ARHGEF26: variants seen among roughly 807,000 people sequenced by gnomAD.
ARHGEF26 encodes Rho guanine nucleotide exchange factor (GEF) 26.
A neutral mutation model predicts 89.4 loss-of-function variants in ARHGEF26; 59 were observed. The ratio of observed to expected loss-of-function variants is 0.66; its 90% CI spans 0.54 to 0.82. The LOEUF (loss-of-function observed/expected upper bound fraction) is 0.82, where lower values mean the gene tolerates loss of function less well. Among genes scored for constraint, ARHGEF26 ranks in the 40% least tolerant of loss-of-function variants. The pLI, the probability that ARHGEF26 is intolerant of heterozygous loss-of-function variation, is 0.00. For missense variants in ARHGEF26, 1,234 were observed against 1,085.6 expected (o/e 1.14, Z -1.92); for synonymous variants, 500 against 428.4 (o/e 1.17, Z -2.06).
chr3:154,167,822 G>A (rs1217157211), intron 6 of ARHGEF26, among the ~76,000 whole-genome samples: 1 of 152,112 alleles, frequency 6.6e-6, no homozygotes, highest in East Asian at 1.9e-4. Flanking sequence ...AAAGTCATCT[G>A]ATCTATACTT....
chr3:154,155,573 A>G (rs114884899), intron 6 of ARHGEF26, among the ~76,000 whole-genome samples: 1,746 of 152,094 alleles, frequency 0.011, 37 homozygotes, highest in African/African-American at 0.04. Flanking sequence ...ATTAGAATCC[A>G]GGGTATTCCT....
intron 2 of ARHGEF26, 69 bp from the exon 3 acceptor site, chr3:154,124,341 A>G (rs533979688): frequency 1.0e-4 from 104 of 991,894 alleles, no homozygotes; most frequent in African/African-American, 6.2e-4. Flanking sequence ...TGTATTTTCT[A>G]TTTGGCTCAT....
intron 6 of ARHGEF26, among the ~76,000 whole-genome samples, chr3:154,179,542 A>G (rs1266650435): frequency 6.6e-6 from 1 of 152,192 alleles, no homozygotes; most frequent in Non-Finnish European, 1.5e-5. Context: ...TGAGAACTAG[A>G]TGGTGAGTGC....
At chr3:154,213,201 TAGAGAGAG>T (rs60158333) in intron 9 of ARHGEF26, among the ~76,000 whole-genome samples, 38 of 136,554 alleles carry the variant, frequency 2.8e-4, no homozygotes, top group African/African-American at 9.7e-4. Context: ...ACGAGTAACA[TAGAGAGAG>T]AGAGAGAGTG....
intron 8 of ARHGEF26, among the ~76,000 whole-genome samples, chr3:154,193,176 T>C (rs573256276): frequency 5.6e-4 from 86 of 152,328 alleles, no homozygotes; most frequent in Non-Finnish European, 9.6e-4. Context: ...CTCAGGGACA[T>C]AAACCAGTAT....
At position 154,217,854 on chromosome 3, in the gene ARHGEF26, C is replaced by T; in HGVS notation, c.1846-15C>T. 6.3e-7 allele frequency: 1 copy of T among 1,580,926 alleles called. No homozygotes were observed. Among genetic ancestry groups the T allele is most frequent in the Admixed American group, 1.8e-5 (1 of 55,288 alleles). ...TCCTTGACCTTTAACCCTCGTTACT[C>T]TTCTGTGTTCCCAGTTGGTTCGACT... is the stretch of plus-strand genomic sequence containing the variant. On this transcript the variant is annotated splice_polypyrimidine_tract_variant and intron_variant, in intron 9 of 14. Coordinates refer to ENST00000465093, the MANE Select transcript of ARHGEF26 (RefSeq NM_015595.4).
intron 10 of ARHGEF26, 126 bp from the exon 11 acceptor site, chr3:154,225,730 C>A: frequency 5.1e-6 from 5 of 986,810 alleles, no homozygotes; most frequent in Admixed American, 3.4e-5. Context: ...TTTTATATGC[C>A]TATAAAACAA....
intron 10 of ARHGEF26, among the ~76,000 whole-genome samples, chr3:154,221,871 CAGG>C (rs1003032904): frequency 2.0e-5 from 3 of 152,080 alleles, no homozygotes; most frequent in Non-Finnish European, 4.4e-5. Context: ...ATAGGAAATT[CAGG>C]AGGAGGAACA....
chr3:154,163,391 C>T (rs1211617058), intron 6 of ARHGEF26, among the ~76,000 whole-genome samples: 1 of 152,180 alleles, frequency 6.6e-6, no homozygotes, highest in African/African-American at 2.4e-5. Flanking sequence ...TAAAGTCATT[C>T]ACCTAACTGG....
At chr3:154,166,062 G>T (rs1712002204) in intron 6 of ARHGEF26, among the ~76,000 whole-genome samples, 1 of 151,990 alleles carries the variant, frequency 6.6e-6, no homozygotes, top group Non-Finnish European at 1.5e-5. Context: ...TTATTTTTGA[G>T]ACAGAGTCTC....
chr3:154,217,188 C>G lies in ARHGEF26; in HGVS notation c.1846-681C>G, dbSNP rs1715814503. Among the ~76,000 whole-genome samples the G allele has an allele frequency of 3.3e-5, 5 of 150,198 alleles. No individual in the cohort carries two copies. The South Asian group carries it at 1.1e-3, about 32-fold the overall frequency. On this transcript the variant is annotated intron_variant, in intron 9 of 14. Transcript: ENST00000465093. ...TGTTCCTATTTCTCCACATCCTCTC[C>G]AGCACCTGTTGTTCCCTGACTTTTT...
chr3:154,148,352 A>G (rs1488491308), intron 4 of ARHGEF26, among the ~76,000 whole-genome samples: 1 of 152,208 alleles, frequency 6.6e-6, no homozygotes, highest in Admixed American at 6.5e-5. Flanking sequence ...ATATTTTACT[A>G]TATGTCATGT....
intron 8 of ARHGEF26, among the ~76,000 whole-genome samples, chr3:154,193,306 T>C (rs1490815496): frequency 6.6e-6 from 1 of 152,220 alleles, no homozygotes; most frequent in Non-Finnish European, 1.5e-5. Flanking sequence ...TTCATTTATG[T>C]GTGCATGTGT....
intron 8 of ARHGEF26, among the ~76,000 whole-genome samples, chr3:154,193,486 C>CT (rs1714073387): frequency 6.6e-6 from 1 of 152,156 alleles, no homozygotes; most frequent in African/African-American, 2.4e-5. Context: ...GGACCAGTGA[C>CT]TTGCTAGTAG....
intron 6 of ARHGEF26, among the ~76,000 whole-genome samples, chr3:154,184,134 G>A (rs1286280236): frequency 6.6e-6 from 1 of 151,824 alleles, no homozygotes; most frequent in Non-Finnish European, 1.5e-5. Flanking sequence ...CACCACCCCC[G>A]GCTAATTTTT....
At chr3:154,226,115 G>C in intron 11 of ARHGEF26, 105 bp downstream of exon 11, 1 of 1,033,224 alleles carries the variant, frequency 9.7e-7, no homozygotes, top group Non-Finnish European at 1.3e-6. Context: ...AATGTTGGAA[G>C]TATAGTTTCT....
At chr3:154,171,158 C>T (rs1032249112) in intron 6 of ARHGEF26, among the ~76,000 whole-genome samples, 1 of 152,128 alleles carries the variant, frequency 6.6e-6, no homozygotes, top group Non-Finnish European at 1.5e-5. Flanking sequence ...TCCCACTGGA[C>T]AGCTCTTTCT....
At chr3:154,248,130 G>A (rs558414315) in intron 12 of ARHGEF26, among the ~76,000 whole-genome samples, 30 of 152,262 alleles carry the variant, frequency 2.0e-4, no homozygotes, top group African/African-American at 6.3e-4. Flanking sequence ...AAACATCTAG[G>A]ACATGTTCAG....
intron 4 of ARHGEF26, among the ~76,000 whole-genome samples, chr3:154,137,782 GC>G (rs1417898785): frequency 1.4e-5 from 2 of 147,936 alleles, no homozygotes; most frequent in Non-Finnish European, 3.0e-5. Context: ...TTTGAGACCA[GC>G]CTGGGCAACA....
Sources: allele counts gnomAD v4.1 joint callset (sites outside exome capture counted in the v4.1 genomes callset), GRCh38; gene constraint gnomAD v4.1.1; transcripts MANE v1.5; gene names NCBI Gene and HGNC (gene_info 2026-07-23, HGNC 2026-07-21).